Variants in EPRS1 observed in about 807,000 individuals in gnomAD.
The protein encoded by EPRS1 is glutamyl-prolyl-tRNA synthetase 1.
A neutral mutation model predicts 188.3 loss-of-function variants in EPRS1; 107 were observed. The ratio of observed to expected loss-of-function variants is 0.57; its 90% CI spans 0.49 to 0.67. The LOEUF (loss-of-function observed/expected upper bound fraction) is 0.67, where lower values mean the gene tolerates loss of function less well. Among genes scored for constraint, EPRS1 ranks in the 30% least tolerant of loss-of-function variants. The pLI is 0.00. For synonymous variants in EPRS1, 596 were observed against 593.1 expected, an observed-to-expected ratio of 1.00 and a Z score of -0.07; for missense variants, 1,577 against 1,802.2, an observed-to-expected ratio of 0.88 and a Z score of 2.26.
chr1:219,987,012 G>A lies in EPRS1; in HGVS notation c.3038+130C>T. 3.2e-6 allele frequency: 3 copies of A among 929,616 alleles called. No homozygotes were observed. The South Asian group carries it at 5.1e-5, about 16-fold the overall frequency. The allele number at this position is 929,616 out of a possible 1,614,324, so 57.6% of individuals were successfully genotyped here. ...AATGGAAAATCAATAAATGCTATCT[G>A]CTGACATTGTAGCTTTAGCGTTCTC... On this transcript the variant is annotated intron_variant, in intron 20 of 31. Coordinates refer to ENST00000366923, the MANE Select transcript of EPRS1 (RefSeq NM_004446.3).
rs1252910168 is a variant in EPRS1 at position 219,972,114 on chromosome 1, C to G, written c.4278G>C (p.Val1426=). The G allele has an allele frequency of 6.3e-7, 1 of 1,599,886 alleles. No individual in the cohort carries two copies. Among genetic ancestry groups the G allele is most frequent in the Non-Finnish European group, 8.5e-7 (1 of 1,173,644 alleles). The part of the protein sequence containing the change: ...ASEDLKTHMV[V]ANTMEDFQKI... ...TCTGAAAGTCTTCCATTGTATTAGC[C>G]ACAACCATATGAGTCTTAAGGTCTT... The change falls in exon 30 of 32, where the codon GTG becomes GTC. Residue 1426 remains valine, a synonymous_variant. Transcript: ENST00000366923.
chr1:219,968,713 TA>T lies in EPRS1; in HGVS notation c.*92del. On this transcript the variant is annotated 3_prime_UTR_variant, in exon 32 of 32. Transcript: ENST00000366923. The stretch of plus-strand genomic sequence containing the variant: ...ACTTCATTTTAGAACTTTTACTTTT[TA>T]AAAAATCATAAAACGGTCTGTATCT... 6 of 1,294,174 alleles carry T rather than the reference TA, an allele frequency of 4.6e-6. No individual in the cohort carries two copies. Among genetic ancestry groups the T allele is most frequent in the Non-Finnish European group, 6.5e-6 (6 of 924,562 alleles). 80.2% of individuals were successfully genotyped at this position (1,294,174 alleles called of 1,614,324 possible).
At chr1:220,022,687 T>C (rs1661900569) in intron 8 of EPRS1, among the ~76,000 whole-genome samples, 169 bp from the exon 9 acceptor site, 2 of 152,254 alleles carry the variant, frequency 1.3e-5, no homozygotes, top group Admixed American at 6.5e-5. Context: ...AAATGCGTCA[T>C]TTTTTAATTA....
intron 4 of EPRS1, among the ~76,000 whole-genome samples, chr1:220,032,960 G>A (rs1662113958): frequency 6.6e-6 from 1 of 152,026 alleles, no homozygotes; most frequent in Admixed American, 6.6e-5. Context: ...GTGATTTTCT[G>A]TATGTCAATT....
chr1:220,008,906 C>T (rs1417530532), intron 13 of EPRS1, among the ~76,000 whole-genome samples: 1 of 152,060 alleles, frequency 6.6e-6, no homozygotes, highest in Non-Finnish European at 1.5e-5. Flanking sequence ...GAACTCCTGG[C>T]CTCAAATGAT....
Position 219,968,633 on chromosome 1 carries a change from C to T in EPRS1, c.*173G>A. 1.7e-6 allele frequency: 1 copy of T among 586,422 alleles called. No individual in the cohort carries two copies. The highest frequency in any genetic ancestry group is 1.9e-5 in the African/African-American group (1 of 53,874). 36.3% of individuals were successfully genotyped at this position (586,422 alleles called of 1,614,324 possible). A position where few individuals can be genotyped will look rare whatever the true frequency, so the allele number is the denominator to read the frequency against. On this transcript the variant is annotated 3_prime_UTR_variant, in exon 32 of 32. Coordinates refer to ENST00000366923, the MANE Select transcript of EPRS1 (RefSeq NM_004446.3). ...TGATATTTATTACTGGAGTTGTTTA[C>T]AGAAAAGTCTTTTATCCACTGTTAA... is the stretch of plus-strand genomic sequence containing the variant.
Position 219,978,528 on chromosome 1 carries a change from T to C in EPRS1, c.4083+18A>G, listed in dbSNP as rs767035802. ...AATTGCAGATGTTGGGGGTAAAAGA[T>C]AAAGCTTAGGAATTTACCTTGAGCT... On this transcript the variant is annotated intron_variant, in intron 28 of 31. Transcript: ENST00000366923. The C allele has an allele frequency of 6.5e-7, 1 of 1,534,020 alleles. No individual in the cohort carries two copies. Among genetic ancestry groups the C allele is most frequent in the East Asian group, 2.4e-5 (1 of 41,854 alleles).
At chr1:220,004,218 G>C (rs1414779671) in intron 16 of EPRS1, among the ~76,000 whole-genome samples, 3 of 152,046 alleles carry the variant, frequency 2.0e-5, no homozygotes, top group African/African-American at 7.2e-5. Context: ...ATTTTTTGTA[G>C]AGATGGGGTC....
At chr1:220,040,965 G>C (rs1662280954) in intron 1 of EPRS1, among the ~76,000 whole-genome samples, 1 of 151,008 alleles carries the variant, frequency 6.6e-6, no homozygotes, top group Admixed American at 6.6e-5. Context: ...AATAGTATTT[G>C]AGTGACTATT....
At chr1:220,018,142 C>G (rs962649738) in intron 12 of EPRS1, 7 of 1,353,804 alleles carry the variant, frequency 5.2e-6, no homozygotes, top group Non-Finnish European at 6.8e-6. Context: ...ACAGAGAGCT[C>G]GCAGCTTGAA....
chr1:219,978,479 C>A, intron 28 of EPRS1, 67 bp downstream of exon 28: 1 of 1,255,156 alleles, frequency 8.0e-7, no homozygotes, highest in African/African-American at 1.5e-5. Context: ...TTTATAAAAA[C>A]ATGCAGAGGA....
rs758123692 is a variant in EPRS1 at position 220,018,506 on chromosome 1, G to A, written c.1437C>T (p.Gly479=). 2 of 1,607,508 alleles carry A rather than the reference G, an allele frequency of 1.2e-6. No homozygotes were observed. Among genetic ancestry groups the A allele is most frequent in the Non-Finnish European group, 1.7e-6 (2 of 1,176,500 alleles). ...EGLKQFIAAQ[G]SSRSVVNMEW... is the part of the protein sequence containing the mutation. ...CCATGTTCACGACTGAACGTGAGGA[G>A]CCCTAAAAAACAATAACAACATGAT... The change falls in exon 12 of 32, where the codon GGC becomes GGT. Residue 479 remains glycine (G), a splice_region_variant and synonymous_variant. Transcript: ENST00000366923.
intron 18 of EPRS1, 103 bp from the exon 19 acceptor site, chr1:219,988,926 G>T: frequency 1.5e-6 from 1 of 665,364 alleles, no homozygotes; most frequent in Non-Finnish European, 2.5e-6. Context: ...ATTCCCATAA[G>T]TTAATCATGG....
intron 6 of EPRS1, among the ~76,000 whole-genome samples, chr1:220,027,188 G>A (rs1478580285): frequency 6.6e-6 from 1 of 152,074 alleles, no homozygotes; most frequent in South Asian, 2.1e-4. Flanking sequence ...ACTTTGGGAG[G>A]TCGAGGCAGG....
At chr1:220,015,093 C>T (rs1267899793) in intron 12 of EPRS1, among the ~76,000 whole-genome samples, 1 of 152,108 alleles carries the variant, frequency 6.6e-6, no homozygotes, top group Admixed American at 6.6e-5. Context: ...GAACACGAAA[C>T]AAGAGTACCA....
intron 5 of EPRS1, among the ~76,000 whole-genome samples, chr1:220,031,997 T>C (rs1452611938): frequency 4.6e-5 from 7 of 152,120 alleles, no homozygotes; most frequent in Non-Finnish European, 7.3e-5. Context: ...AAGATCCTTT[T>C]AAATTTATTA....
intron 11 of EPRS1, 40 bp downstream of exon 11, chr1:220,018,955 A>T (rs1469858787): frequency 2.2e-6 from 3 of 1,375,980 alleles, no homozygotes; most frequent in South Asian, 2.3e-5. Flanking sequence ...AAGTACCTGA[A>T]ATTTCAAACA....
chr1:219,994,634 CTTCTTCTTTTTTTTTT>C lies in EPRS1; in HGVS notation c.2541+2333_2541+2348del, dbSNP rs1661192674. Among the ~76,000 whole-genome samples, 9 of 131,912 alleles carry C rather than the reference CTTCTTCTTTTTTTTTT, an allele frequency of 6.8e-5. No homozygotes were observed. The South Asian group carries it at 2.2e-3, about 33-fold the overall frequency. The allele number at this position is 131,912 out of a possible 152,430, so 86.5% of individuals were successfully genotyped here. ...TGAGATCAGAAATATGCCGTGGTAA[CTTCTTCTTTTTTTTTT>C]TTTTTTTTTTTTTTTTTTTTGAGAT... On this transcript the variant is annotated intron_variant, in intron 18 of 31. Coordinates refer to ENST00000366923, the MANE Select transcript of EPRS1 (RefSeq NM_004446.3).
chr1:219,986,094 T>C (rs1661000995), intron 20 of EPRS1, among the ~76,000 whole-genome samples: 1 of 152,206 alleles, frequency 6.6e-6, no homozygotes, highest in Non-Finnish European at 1.5e-5. Context: ...AGACATTGTG[T>C]ATATGACATG....
Sources: gnomAD v4.1 joint callset for allele counts (sites outside exome capture counted in the v4.1 genomes callset) on GRCh38, gnomAD v4.1.1 for gene constraint, MANE v1.5 for transcripts, NCBI Gene and HGNC (gene_info 2026-07-23, HGNC 2026-07-21) for gene names.